The following GALNT13 variants were observed in gnomAD, a reference collection of about 807,000 sequenced individuals.
GALNT13 encodes UDP-GalNAc:polypeptide N-acetylgalactosaminyltransferase 13.
GALNT13 carries 28 observed loss-of-function variants against 64.2 expected under a neutral mutation model. The ratio of observed to expected loss-of-function variants is 0.44; its 90% CI spans 0.32 to 0.60. The LOEUF is 0.60. Among genes scored for constraint, GALNT13 ranks in the 20% least tolerant of loss-of-function variants. The pLI, the probability that GALNT13 is intolerant of heterozygous loss-of-function variation, is 0.05. For missense variants in GALNT13, 577 were observed against 669.8 expected, an observed-to-expected ratio of 0.86 and a Z score of 1.53; for synonymous variants, 214 against 224.6, an observed-to-expected ratio of 0.95 and a Z score of 0.42.
the GALNT13 span, among the ~76,000 whole-genome samples, chr2:153,473,304 T>G: frequency 2.7e-3 from 413 of 152,244 alleles, 18 homozygotes; most frequent in East Asian, 0.073. Flanking sequence ...GATGTATACA[T>G]ATAAATTCAA....
At chr2:154,215,265 T>A (rs1687982027) in intron 4 of GALNT13, among the ~76,000 whole-genome samples, 1 of 152,162 alleles carries the variant, frequency 6.6e-6, no homozygotes, top group African/African-American at 2.4e-5. Context: ...GTAGCCAAAA[T>A]TTTTAATATA....
chr2:153,671,746 CAT>C, the GALNT13 span, among the ~76,000 whole-genome samples: 1 of 152,082 alleles, frequency 6.6e-6, no homozygotes, highest in Non-Finnish European at 1.5e-5. Flanking sequence ...AATTAAAAGA[CAT>C]AGACTGGCAA....
At chr2:153,825,005 T>C in the GALNT13 span, among the ~76,000 whole-genome samples, 1 of 152,186 alleles carries the variant, frequency 6.6e-6, no homozygotes, top group Non-Finnish European at 1.5e-5. Flanking sequence ...GTTCTTTTCT[T>C]TATAAACTAC....
At chr2:153,818,599 A>C in the GALNT13 span, among the ~76,000 whole-genome samples, 1 of 152,174 alleles carries the variant, frequency 6.6e-6, no homozygotes, top group African/African-American at 2.4e-5. Flanking sequence ...GTGGTCAGTC[A>C]TGGCTCTGCT....
the GALNT13 span, among the ~76,000 whole-genome samples, chr2:153,165,632 A>G: frequency 6.6e-6 from 1 of 152,340 alleles, no homozygotes; most frequent in Middle Eastern, 3.4e-3. Context: ...CTAATTGTGG[A>G]AACCAGGAAG....
chr2:154,422,466 A>T (rs79136112), intron 11 of GALNT13, among the ~76,000 whole-genome samples: 1 of 152,170 alleles, frequency 6.6e-6, no homozygotes, highest in Non-Finnish European at 1.5e-5. Context: ...TTTCCATTAA[A>T]GGAAAAAAAG....
At chr2:154,182,322 T>C (rs1176544097) in intron 4 of GALNT13, among the ~76,000 whole-genome samples, 1 of 152,192 alleles carries the variant, frequency 6.6e-6, no homozygotes, top group Non-Finnish European at 1.5e-5. Flanking sequence ...CTGAAAAGCA[T>C]AAATTGCTGT....
chr2:153,987,246 GGAA>G (rs1307935061), intron 3 of GALNT13, among the ~76,000 whole-genome samples: 1 of 151,872 alleles, frequency 6.6e-6, no homozygotes, highest in East Asian at 1.9e-4. Flanking sequence ...CAAGTCTGTG[GGAA>G]GAAGAATTGG....
chr2:153,235,516 G>C, the GALNT13 span, among the ~76,000 whole-genome samples: 1 of 152,094 alleles, frequency 6.6e-6, no homozygotes, highest in Non-Finnish European at 1.5e-5. Context: ...GGCTGTAAAT[G>C]CTAGTACATG....
the GALNT13 span, among the ~76,000 whole-genome samples, chr2:153,371,384 A>C: frequency 6.6e-6 from 1 of 152,166 alleles, no homozygotes; most frequent in South Asian, 2.1e-4. Context: ...AAAAAATTCA[A>C]ACTATTTGCA....
At chr2:153,862,106 T>A in the GALNT13 span, among the ~76,000 whole-genome samples, 1 of 152,192 alleles carries the variant, frequency 6.6e-6, no homozygotes, top group Admixed American at 6.5e-5. Context: ...AAAAGTGAAC[T>A]TTTCAAATTC....
the GALNT13 span, among the ~76,000 whole-genome samples, chr2:153,316,639 C>CAAAAAAAGAAAAAAA: frequency 1.4e-5 from 1 of 69,842 alleles, no homozygotes; most frequent in African/African-American, 5.8e-5. Context: ...GACTCCGTCT[C>CAAAAAAAGAAAAAAA]AAAAAAAAAA....
At chr2:153,554,315 C>G in the GALNT13 span, among the ~76,000 whole-genome samples, 1 of 151,662 alleles carries the variant, frequency 6.6e-6, no homozygotes, top group Non-Finnish European at 1.5e-5. Flanking sequence ...GCCTGGGTGA[C>G]AGAGTGAGAC....
chr2:153,750,024 G>A, the GALNT13 span, among the ~76,000 whole-genome samples: 1 of 151,516 alleles, frequency 6.6e-6, no homozygotes, highest in East Asian at 1.9e-4. Flanking sequence ...TTTATTTAGG[G>A]TATTTTATCA....
At chr2:153,863,606 T>C in the GALNT13 span, among the ~76,000 whole-genome samples, 5 of 152,174 alleles carry the variant, frequency 3.3e-5, no homozygotes, top group African/African-American at 9.7e-5. Flanking sequence ...TTGATAAACA[T>C]TCATGTTTAA....
intron 8 of GALNT13, among the ~76,000 whole-genome samples, chr2:154,293,056 T>C (rs1258171324): frequency 1.3e-5 from 2 of 152,198 alleles, no homozygotes; most frequent in Non-Finnish European, 2.9e-5. Flanking sequence ...AAAGACAAGC[T>C]TTAATTCCCT....
the GALNT13 span, among the ~76,000 whole-genome samples, chr2:153,718,711 TAC>T: frequency 1.3e-5 from 2 of 152,144 alleles, no homozygotes; most frequent in African/African-American, 2.4e-5. Flanking sequence ...TGTGAGAAGT[TAC>T]AGAGAATAAT....
At chr2:153,767,514 A>G in the GALNT13 span, among the ~76,000 whole-genome samples, 4 of 152,178 alleles carry the variant, frequency 2.6e-5, no homozygotes, top group East Asian at 5.8e-4. Context: ...TAGTTCTACA[A>G]AAAATCCCTG....
At chr2:153,664,680 G>T in the GALNT13 span, among the ~76,000 whole-genome samples, 1 of 152,164 alleles carries the variant, frequency 6.6e-6, no homozygotes, top group Non-Finnish European at 1.5e-5. Flanking sequence ...CAGGCATTAA[G>T]AAATTATAAA....
Sources: allele counts gnomAD v4.1 joint callset (sites outside exome capture counted in the v4.1 genomes callset), GRCh38; gene constraint gnomAD v4.1.1; transcripts MANE v1.5; gene names NCBI Gene and HGNC (gene_info 2026-07-23, HGNC 2026-07-21).